CSRNP2: variants seen among roughly 807,000 people sequenced by gnomAD.
The protein encoded by CSRNP2 is cysteine/serine-rich nuclear protein 2.
A neutral mutation model predicts 36.6 loss-of-function variants in CSRNP2; 11 were observed. That is an observed-to-expected ratio of 0.30 (90% CI 0.19 to 0.50). The LOEUF (loss-of-function observed/expected upper bound fraction) is 0.50. Among genes scored for constraint, CSRNP2 ranks in the 20% least tolerant of loss-of-function variants. The pLI, the probability that CSRNP2 is intolerant of heterozygous loss-of-function variation, is 0.98. For missense variants in CSRNP2, 483 were observed against 691.4 expected, an observed-to-expected ratio of 0.70 and a Z score of 3.38; for synonymous variants, 248 against 275.3, an observed-to-expected ratio of 0.90 and a Z score of 0.98.
chr12:51,064,370 G>A lies in CSRNP2; in HGVS notation c.1008C>T (p.Leu336=). ...HLQSAEELER[L]KAEEDSSGSS... ...AGCCGCTGGAATCTTCTTCTGCCTT[G>A]AGCCGCTCCAGTTCCTCTGCACTCT... is the stretch of plus-strand genomic sequence containing the variant. The change falls in exon 5 of 5, where the codon CTC becomes CTT. Residue 336 remains leucine, a synonymous_variant. Transcript: ENST00000228515. The A allele has an allele frequency of 6.2e-7, 1 of 1,614,186 alleles. No individual in the cohort carries two copies. Among genetic ancestry groups the A allele is most frequent in the Non-Finnish European group, 8.5e-7 (1 of 1,180,046 alleles).
rs1026461541 is a variant in CSRNP2, at chr12:51,061,979, A to G, written c.*1767T>C. On this transcript the variant is annotated 3_prime_UTR_variant, in exon 5 of 5. Transcript: ENST00000228515. ...GAGCTCAGGTACTTAAAAGACTCTC[A>G]ACTGTGTTTTGTGAGGCTAGGGGAT... The G allele has an allele frequency of 1.1e-4, 17 of 152,352 alleles. No homozygotes were observed. The highest frequency in any genetic ancestry group is 1.3e-4 in the Non-Finnish European group (9 of 68,042). The allele number at this position is 152,352 out of a possible 1,614,324, so 9.4% of individuals were successfully genotyped here.
rs949092243 is a variant in CSRNP2 at position 51,062,916 on chromosome 12, G to A, written c.*830C>T. On this transcript the variant is annotated 3_prime_UTR_variant, in exon 5 of 5. Transcript: ENST00000228515. ...TTAATGCTCCACATAGGCCTCCTAT[G>A]GGATGGGTGAGCCCCAGCCGAAAGC... 1 of 152,444 alleles carries A rather than the reference G, an allele frequency of 6.6e-6. No homozygotes were observed. The highest frequency in any genetic ancestry group is 6.6e-5 in the Admixed American group (1 of 15,266). The allele number at this position is 152,444 out of a possible 1,614,324, so 9.4% of individuals were successfully genotyped here.
rs147551008 is a variant in CSRNP2, at chr12:51,075,868, A to G, written c.151+543T>C. Among the ~76,000 whole-genome samples the G allele has an allele frequency of 2.3e-3, 357 of 152,222 alleles. 1 individual carries two copies. Among genetic ancestry groups the G allele is most frequent in the African/African-American group, 8.0e-3 (332 of 41,554 alleles). ...GTTCAAGACCAACCTGGCCAACATG[A>G]TGAAACCTTGTCTCTACTAAAAACA... On this transcript the variant is annotated intron_variant, in intron 2 of 4. Coordinates refer to ENST00000228515, the MANE Select transcript of CSRNP2 (RefSeq NM_030809.3).
chr12:51,066,546 C>T (rs1411955479), intron 4 of CSRNP2, among the ~76,000 whole-genome samples: 1 of 149,698 alleles, frequency 6.7e-6, no homozygotes, highest in Non-Finnish European at 1.5e-5. Context: ...GAGGCTGAGG[C>T]GGGAGAATCA....
chr12:51,079,769 CAAAAAAAAA>C (rs35767986), intron 1 of CSRNP2, among the ~76,000 whole-genome samples: 1 of 35,012 alleles, frequency 2.9e-5, no homozygotes, highest in Non-Finnish European at 4.6e-5. Context: ...GAGACCTTGT[CAAAAAAAAA>C]AAAAAAAAAA....
At position 51,083,581 on chromosome 12, in the gene CSRNP2, G is replaced by C. The variant is rs1156420585; in HGVS notation, c.-329C>G. 1 of 152,260 alleles carries C rather than the reference G, an allele frequency of 6.6e-6. No individual in the cohort carries two copies. Among genetic ancestry groups the C allele is most frequent in the African/African-American group, 2.4e-5 (1 of 41,462 alleles). The allele number at this position is 152,260 out of a possible 1,614,324, so 9.4% of individuals were successfully genotyped here. A position where few individuals can be genotyped will look rare whatever the true frequency, so the allele number is the denominator to read the frequency against. On this transcript the variant is annotated 5_prime_UTR_variant, in exon 1 of 5. Coordinates refer to ENST00000228515, the MANE Select transcript of CSRNP2 (RefSeq NM_030809.3). ...GGCAGCAGACGCCCAGAACCGCCCC[G>C]GCTCCGGCTAACAATAGGATCCGGC... is the stretch of plus-strand genomic sequence containing the variant.
intron 3 of CSRNP2, 60 bp downstream of exon 3, chr12:51,073,763 A>G: frequency 6.6e-7 from 1 of 1,509,218 alleles, no homozygotes; most frequent in Admixed American, 2.2e-5. Context: ...CAACCAACCA[A>G]CCAATGAACC....
chr12:51,061,941 T>C lies in CSRNP2; in HGVS notation c.*1805A>G, dbSNP rs1337156428. ...AAGGTAGGGGAGTCTAGTTCAGTTC[T>C]GGGTAGCTTCGAGAGCTCAGGTACT... On this transcript the variant is annotated 3_prime_UTR_variant, in exon 5 of 5. Coordinates refer to ENST00000228515, the MANE Select transcript of CSRNP2 (RefSeq NM_030809.3). 1.3e-5 allele frequency: 2 copies of C among 152,164 alleles called. No homozygotes were observed. Among genetic ancestry groups the C allele is most frequent in the East Asian group, 1.9e-4 (1 of 5,198 alleles). The allele number at this position is 152,164 out of a possible 1,614,324, so 9.4% of individuals were successfully genotyped here.
chr12:51,066,190 C>G (rs1394176288), intron 4 of CSRNP2, among the ~76,000 whole-genome samples: 1 of 152,108 alleles, frequency 6.6e-6, no homozygotes, highest in African/African-American at 2.4e-5. Flanking sequence ...TGCGGTGGCT[C>G]ACGCCTGTAA....
intron 4 of CSRNP2, among the ~76,000 whole-genome samples, chr12:51,066,111 G>A (rs1298235167): frequency 6.6e-6 from 1 of 151,924 alleles, no homozygotes; most frequent in Non-Finnish European, 1.5e-5. Flanking sequence ...CCTGAGGTCA[G>A]GCGTTTGAGA....
Position 51,067,699 on chromosome 12 carries a change from A to G in CSRNP2, c.682T>C (p.Cys228Arg). Residue 228 changes from cysteine (C) to arginine (R), a missense_variant, in exon 4 of 5, where the codon TGC (cysteine) becomes CGC (arginine). Around this residue, in one of 2 missense-constraint regions of CSRNP2, gnomAD observed 206 missense variants for 367.8 expected, o/e 0.56. Transcript: ENST00000228515. The surrounding 1 kb of genome is among the most constrained non-coding windows in gnomAD (Gnocchi z 4.1). ...TGGCATTTAATCCCAGCCTGGCTGC[A>G]GGCACACGCTTCTGGGTCACAATAC... ...RLYCDPEACA[C>R]SQAGIKCQVD... 1.2e-6 allele frequency: 2 copies of G among 1,613,826 alleles called. No individual in the cohort carries two copies. Among genetic ancestry groups the G allele is most frequent in the Non-Finnish European group, 1.7e-6 (2 of 1,179,786 alleles).
intron 3 of CSRNP2, among the ~76,000 whole-genome samples, chr12:51,068,582 C>G (rs1938658746): frequency 6.6e-6 from 1 of 152,102 alleles, no homozygotes; most frequent in South Asian, 2.1e-4. Context: ...TCTCAAAAAC[C>G]CGTCTCATCT....
intron 4 of CSRNP2, among the ~76,000 whole-genome samples, chr12:51,064,912 A>C (rs915513276): frequency 6.6e-6 from 1 of 152,232 alleles, no homozygotes; most frequent in Non-Finnish European, 1.5e-5. Context: ...AGAATCATTT[A>C]TCTCTCTAGG....
In CSRNP2 at chr12:51,064,090, C is replaced by T. The variant is rs577960933; in HGVS notation, c.1288G>A (p.Val430Met). 3.0e-5 allele frequency: 48 copies of T among 1,614,228 alleles called. No individual in the cohort carries two copies. The Admixed American group carries it at 6.3e-4, about 21-fold the overall frequency. The change falls in exon 5 of 5, where the codon GTG (valine) becomes ATG (methionine). Residue 430 changes from valine to methionine, a missense_variant. Around this residue, in one of 2 missense-constraint regions of CSRNP2, gnomAD observed 277 missense variants for 323.6 expected, o/e 0.86. Transcript: ENST00000228515. ...YQVEQRPVLGVKGEPGTEEGS... is the reference protein window; with the variant it reads ...YQVEQRPVLGMKGEPGTEEGS... ...TCTTCCGTACCAGGCTCTCCTTTCA[C>T]TCCCAAGACTGGCCTCTGCTCCACT... is the stretch of plus-strand genomic sequence containing the variant.
chr12:51,063,156 CAT>C lies in CSRNP2; in HGVS notation c.*588_*589del, dbSNP rs1017629999. ...GGGGAACAGGTCAGAGAACACCAAA[CAT>C]GTCAAATATTAACTTATTTACCAAA... is the stretch of plus-strand genomic sequence containing the variant. On this transcript the variant is annotated 3_prime_UTR_variant, in exon 5 of 5. Coordinates refer to ENST00000228515, the MANE Select transcript of CSRNP2 (RefSeq NM_030809.3). 4 of 152,194 alleles carry C rather than the reference CAT, an allele frequency of 2.6e-5. No individual in the cohort carries two copies. The highest frequency in any genetic ancestry group is 4.4e-5 in the Non-Finnish European group (3 of 68,038). The allele number at this position is 152,194 out of a possible 1,614,324, so 9.4% of individuals were successfully genotyped here. A position where few individuals can be genotyped will look rare whatever the true frequency, so the allele number is the denominator to read the frequency against.
chr12:51,062,381 C>G lies in CSRNP2; in HGVS notation c.*1365G>C, dbSNP rs944919097. ...GCTCCCTACTGCCTCCATTTTAGAA[C>G]AGAGACAAAGATCACTTTGCTAATG... On this transcript the variant is annotated 3_prime_UTR_variant, in exon 5 of 5. Coordinates refer to ENST00000228515, the MANE Select transcript of CSRNP2 (RefSeq NM_030809.3). 1 of 152,190 alleles carries G rather than the reference C, an allele frequency of 6.6e-6. No individual in the cohort carries two copies. The highest frequency in any genetic ancestry group is 6.5e-5 in the Admixed American group (1 of 15,290). The allele number at this position is 152,190 out of a possible 1,614,324, so 9.4% of individuals were successfully genotyped here.
intron 3 of CSRNP2, among the ~76,000 whole-genome samples, chr12:51,072,341 C>T (rs550587965): frequency 8.6e-5 from 13 of 151,870 alleles, no homozygotes; most frequent in East Asian, 1.9e-4. Flanking sequence ...GGGCAGATCA[C>T]GAGGTCAGGA....
Position 51,070,000 on chromosome 12 carries a change from G to T in CSRNP2, c.412-2031C>A, listed in dbSNP as rs150981507. On this transcript the variant is annotated intron_variant, in intron 3 of 4. Transcript: ENST00000228515. ...CAGGCGTGAGCCACCGAGAAATCTG[G>T]GTTTTCTGGGCTGAGATGGATAGAG... is the stretch of plus-strand genomic sequence containing the variant. 7.5e-3 allele frequency among the ~76,000 whole-genome samples: 1,140 copies of T among 151,992 alleles called. 10 individuals carry two copies. Among genetic ancestry groups the T allele is most frequent in the African/African-American group, 0.026 (1,064 of 41,452 alleles).
At position 51,061,788 on chromosome 12, in the gene CSRNP2, A is replaced by C. The variant is rs149767308; in HGVS notation, c.*1958T>G. 1 of 152,320 alleles carries C rather than the reference A, an allele frequency of 6.6e-6. No individual in the cohort carries two copies. The highest frequency in any genetic ancestry group is 2.4e-5 in the African/African-American group (1 of 41,570). The allele number at this position is 152,320 out of a possible 1,614,324, so 9.4% of individuals were successfully genotyped here. A position where few individuals can be genotyped will look rare whatever the true frequency, so the allele number is the denominator to read the frequency against. On this transcript the variant is annotated 3_prime_UTR_variant, in exon 5 of 5. Coordinates refer to ENST00000228515, the MANE Select transcript of CSRNP2 (RefSeq NM_030809.3). ...GAATCTACTTCCTAGATTAAGCCGG[A>C]GCCTTCCTGCAGAGACAGTGGGCAA...
Sources: gnomAD v4.1 joint callset for allele counts (sites outside exome capture counted in the v4.1 genomes callset) on GRCh38, gnomAD v4.1.1 for gene constraint, gnomAD v4.1.1 regional missense constraint, Gnocchi (gnomAD v3.1) non-coding constraint, MANE v1.5 for transcripts, NCBI Gene and HGNC (gene_info 2026-07-23, HGNC 2026-07-21) for gene names.